The following CEP112 variants were observed in gnomAD, a reference collection of about 807,000 sequenced individuals.
CEP112 encodes centrosomal protein 112.
CEP112 carries 127 observed loss-of-function variants against 153.0 expected under a neutral mutation model. That is an observed-to-expected ratio of 0.83 (90% CI 0.72 to 0.96). The LOEUF is 0.96. CEP112 is among the 40% of genes least tolerant of loss of function. The probability of loss-of-function intolerance (pLI) is 0.00; values close to 1 mark genes in which losing one functional copy is unlikely to be tolerated. For missense variants in CEP112, 1,089 were observed against 1,101.2 expected, an observed-to-expected ratio of 0.99 and a Z score of 0.16; for synonymous variants, 358 against 374.4, an observed-to-expected ratio of 0.96 and a Z score of 0.51.
intron 17 of CEP112, among the ~76,000 whole-genome samples, chr17:65,972,968 G>A (rs1208649241): frequency 1.3e-5 from 2 of 152,166 alleles, no homozygotes; most frequent in African/African-American, 4.8e-5. Context: ...GTTTCACCAT[G>A]TTGGCCAGGC....
intron 4 of CEP112, among the ~76,000 whole-genome samples, chr17:66,160,053 C>T (rs1489518570): frequency 6.6e-6 from 1 of 152,104 alleles, no homozygotes; most frequent in Non-Finnish European, 1.5e-5. Flanking sequence ...CAATAACAGA[C>T]AAACAGAGAG....
intron 8 of CEP112, among the ~76,000 whole-genome samples, chr17:66,094,529 C>A (rs2068263227): frequency 6.6e-6 from 1 of 152,094 alleles, no homozygotes; most frequent in Admixed American, 6.6e-5. Context: ...AAATGTGAGA[C>A]CTGACATTTT....
chr17:66,066,192 G>C (rs923786304), intron 10 of CEP112, among the ~76,000 whole-genome samples: 1 of 152,074 alleles, frequency 6.6e-6, no homozygotes, highest in African/African-American at 2.4e-5. Context: ...TAGCTCAAGT[G>C]GTTACCTCCT....
intron 17 of CEP112, among the ~76,000 whole-genome samples, chr17:65,972,710 A>C (rs1229735483): frequency 6.6e-6 from 1 of 152,264 alleles, no homozygotes; most frequent in Non-Finnish European, 1.5e-5. Context: ...TACAGATTTT[A>C]TATGTGTTAA....
At chr17:65,758,904 T>C (rs558562848) in intron 21 of CEP112, among the ~76,000 whole-genome samples, 5 of 152,230 alleles carry the variant, frequency 3.3e-5, no homozygotes, top group African/African-American at 1.2e-4. Flanking sequence ...CCATCTTGAA[T>C]AGGGGATGGG....
At chr17:66,180,744 A>AT (rs1263955582) in intron 2 of CEP112, among the ~76,000 whole-genome samples, 1 of 152,120 alleles carries the variant, frequency 6.6e-6, no homozygotes, top group Non-Finnish European at 1.5e-5. Context: ...TCTGGTATTA[A>AT]TTTTTTATCA....
rs529794955 is a variant in CEP112 at position 66,174,268 on chromosome 17, CAT to C, written c.470+774_470+775del. Among the ~76,000 whole-genome samples the C allele has an allele frequency of 2.8e-3, 425 of 152,300 alleles. 2 individuals carry two copies. Among genetic ancestry groups the C allele is most frequent in the African/African-American group, 9.4e-3 (391 of 41,564 alleles). On this transcript the variant is annotated intron_variant, in intron 4 of 26. Transcript: ENST00000535342. The stretch of plus-strand genomic sequence containing the variant: ...ACCATAATATCTCAGGTCTGAAAAA[CAT>C]ATAAACAGACTACATCAACTGTGGA...
rs751649670 is a variant in CEP112, at chr17:66,070,021, A to AG, written c.769-21dup. 6.8e-7 allele frequency: 1 copy of AG among 1,463,686 alleles called. No homozygotes were observed. The highest frequency in any genetic ancestry group is 1.2e-5 in the South Asian group (1 of 85,340). The allele number at this position is 1,463,686 out of a possible 1,614,324, so 90.7% of individuals were successfully genotyped here. On this transcript the variant is annotated intron_variant, in intron 8 of 26. Transcript: ENST00000535342. ...GTCCAGCTTCAAGAAAAATATTTCA[A>AG]GGGTGTTATTAATTTACTTTCCCTT...
At chr17:66,179,737 G>A (rs914439764) in intron 2 of CEP112, among the ~76,000 whole-genome samples, 2 of 152,074 alleles carry the variant, frequency 1.3e-5, no homozygotes, top group African/African-American at 2.4e-5. Flanking sequence ...GAATAACAGC[G>A]GTGAAAGTGG....
intron 6 of CEP112, among the ~76,000 whole-genome samples, chr17:66,099,856 C>G (rs960757900): frequency 6.6e-6 from 1 of 152,106 alleles, no homozygotes; most frequent in Non-Finnish European, 1.5e-5. Context: ...CCATATCTCC[C>G]CACTCTCATA....
chr17:65,741,141 A>G (rs905382586), intron 23 of CEP112, among the ~76,000 whole-genome samples: 1 of 152,176 alleles, frequency 6.6e-6, no homozygotes, highest in Non-Finnish European at 1.5e-5. Flanking sequence ...GATGACAGAA[A>G]TACCTTCCTC....
intron 23 of CEP112, among the ~76,000 whole-genome samples, chr17:65,720,616 A>T (rs1266414286): frequency 6.6e-6 from 1 of 152,186 alleles, no homozygotes; most frequent in East Asian, 1.9e-4. Context: ...CTGTAAAGTA[A>T]TAAGAAATGA....
At chr17:65,765,884 G>A (rs1848798666) in intron 21 of CEP112, among the ~76,000 whole-genome samples, 1 of 152,006 alleles carries the variant, frequency 6.6e-6, no homozygotes, top group Admixed American at 6.6e-5. Context: ...ACTCTGTAAA[G>A]TTTGGAAGTG....
intron 20 of CEP112, among the ~76,000 whole-genome samples, chr17:65,878,715 G>T (rs975997327): frequency 6.6e-6 from 1 of 151,748 alleles, no homozygotes; most frequent in Non-Finnish European, 1.5e-5. Context: ...TAAAGATGGA[G>T]AAAACAGTGA....
Position 66,166,580 on chromosome 17 carries a change from T to C in CEP112, c.470+8464A>G, listed in dbSNP as rs551908083. ...TTTGAGATAAAGCATGAAGAATATA[T>C]AGATGATGTGAACTAAAATCAAAAT... On this transcript the variant is annotated intron_variant, in intron 4 of 26. Transcript: ENST00000535342. 2.2e-4 allele frequency among the ~76,000 whole-genome samples: 34 copies of C among 152,144 alleles called. No individual in the cohort carries two copies. In the South Asian group the frequency reaches 5.4e-3, roughly 24 times the overall value.
chr17:66,028,455 A>G (rs748314994), intron 14 of CEP112, 50 bp from the exon 15 acceptor site: 1 of 1,032,792 alleles, frequency 9.7e-7, no homozygotes. Flanking sequence ...TTTTTGTACC[A>G]TATTATACTT....
At chr17:65,920,552 C>T (rs1599017907) in intron 19 of CEP112, among the ~76,000 whole-genome samples, 1 of 149,670 alleles carries the variant, frequency 6.7e-6, no homozygotes, top group African/African-American at 2.5e-5. Context: ...GGATTTTTAT[C>T]ACACAGACCA....
intron 23 of CEP112, among the ~76,000 whole-genome samples, chr17:65,706,571 G>A (rs1264347565): frequency 6.6e-6 from 1 of 152,142 alleles, no homozygotes; most frequent in South Asian, 2.1e-4. Flanking sequence ...GTTCAAAACT[G>A]GACGTATTAT....
At chr17:65,660,261 CT>C (rs1344126619) in intron 24 of CEP112, among the ~76,000 whole-genome samples, 38 of 117,384 alleles carry the variant, frequency 3.2e-4, no homozygotes, top group African/African-American at 1.3e-3. Context: ...TTTCTTTTTT[CT>C]TTTCTTTTTC....
Sources: allele counts gnomAD v4.1 joint callset (sites outside exome capture counted in the v4.1 genomes callset), GRCh38; gene constraint gnomAD v4.1.1; transcripts MANE v1.5; gene names NCBI Gene and HGNC (gene_info 2026-07-23, HGNC 2026-07-21).